The following ANK3 variants were observed in gnomAD, a reference collection of about 807,000 sequenced individuals.
The protein encoded by ANK3 is ankyrin-3.
Under a neutral mutation model 370.9 loss-of-function variants are expected in ANK3, and 57 were observed. The observed-to-expected ratio is 0.15, with a 90% CI of 0.12 to 0.19. ANK3 has a LOEUF of 0.19. ANK3 is among the 10% of genes least tolerant of loss of function. ANK3 has a pLI of 1.00. For missense variants in ANK3, 4,439 were observed against 5,302.1 expected (o/e 0.84, Z 5.06); for synonymous variants, 1,929 against 1,946.3 (o/e 0.99, Z 0.23).
intron 1 of ANK3, among the ~76,000 whole-genome samples, chr10:60,694,266 C>T (rs1326623448): frequency 6.6e-6 from 1 of 152,194 alleles, no homozygotes; most frequent in East Asian, 1.9e-4. Flanking sequence ...ACCAAATCTA[C>T]ATCTGATTGG....
In ANK3 at chr10:60,083,570, G is replaced by A. The variant is rs12249658; in HGVS notation, c.4122C>T (p.Ala1374=). 1.8e-3 allele frequency: 2,871 copies of A among 1,610,116 alleles called. 54 individuals are homozygous for A. In the African/African-American group the frequency reaches 0.034, roughly 19 times the overall value. Residue 1374 remains alanine (A), a synonymous_variant, in exon 33 of 44, where the codon GCC becomes GCT. Coordinates refer to ENST00000280772, the MANE Select transcript of ANK3 (RefSeq NM_020987.5). ...GTTGCTGTCCTCCTTTGGTAAGTGGGGCCAAATTTCCATAACAATCAACAT... is the reference window on the plus strand; with the variant it reads ...GTTGCTGTCCTCCTTTGGTAAGTGGAGCCAAATTTCCATAACAATCAACAT... The part of the protein sequence containing the change: ...PIYVDCYGNL[A]PLTKGGQQLV...
chr10:60,520,098 G>A (rs573042872), intron 2 of ANK3, among the ~76,000 whole-genome samples: 120 of 152,194 alleles, frequency 7.9e-4, no homozygotes, highest in African/African-American at 2.8e-3. Flanking sequence ...ATACTACATA[G>A]TCATCAAAAA....
Position 60,138,971 on chromosome 10 carries a change from A to G in ANK3, c.2731T>C (p.Ser911Pro). The G allele has an allele frequency of 6.2e-7, 1 of 1,613,896 alleles. No homozygotes were observed. The highest frequency in any genetic ancestry group is 8.5e-7 in the Non-Finnish European group (1 of 1,179,890). ...GYMGFSLGARSASLRSFSSDR... is the reference protein window; with the variant it reads ...GYMGFSLGARPASLRSFSSDR... ...ACAGCAACAACGAAGTACCTGGCAG[A>G]ACGCGCTCCGAGACTAAAGCCCATG... Residue 911 changes from serine to proline, a missense_variant, in exon 24 of 44, where the codon TCT becomes CCT. Physicochemically the swap from Ser to Pro is moderately conservative, Grantham distance 74. Coordinates refer to ENST00000280772, the MANE Select transcript of ANK3 (RefSeq NM_020987.5).
Position 60,395,624 on chromosome 10 carries a change from C to CTTTCTTTCTTTCTTTCTTTCTT in ANK3, c.97-115986_97-115985insAAGAAAGAAAGAAAGAAAGAAA, listed in dbSNP as rs60220666. Among the ~76,000 whole-genome samples the CTTTCTTTCTTTCTTTCTTTCTT allele has an allele frequency of 2.3e-4, 14 of 61,320 alleles. No homozygotes were observed. The Admixed American group carries it at 2.5e-3, about 11-fold the overall frequency. The allele number at this position is 61,320 out of a possible 152,430, so 40.2% of individuals were successfully genotyped here. On this transcript the variant is annotated intron_variant, in intron 2 of 43. Transcript: ENST00000373827. ...TCTTTCTTTCTCTCTTTCGTTCTCTCTCTCTCTCTCTCTCTCTCTCTCTCT... is the reference window on the plus strand; with the variant it reads ...TCTTTCTTTCTCTCTTTCGTTCTCTCTTTCTTTCTTTCTTTCTTTCTTTCTCTCTCTCTCTCTCTCTCTCTCT...
chr10:60,070,418 T>C lies in ANK3; in HGVS notation c.10463A>G (p.Glu3488Gly), dbSNP rs747894899. ...CTGATCAGTCTTATCAGGAGTCTTTTCAGATGAAGAACTTTTAGAAGGTGG... is the reference window on the plus strand; with the variant it reads ...CTGATCAGTCTTATCAGGAGTCTTTCCAGATGAAGAACTTTTAGAAGGTGG... ...DKPPSKSSSS[E>G]KTPDKTDQKS... is the part of the protein sequence containing the mutation. The change falls in exon 37 of 44, where the codon GAA becomes GGA. Residue 3488 changes from glutamate (E) to glycine (G), a missense_variant. Glu to Gly is a moderately conservative substitution (Grantham distance 98, BLOSUM62 -2). Coordinates refer to ENST00000280772, the MANE Select transcript of ANK3 (RefSeq NM_020987.5). The surrounding 1 kb of genome is among the most constrained non-coding windows in gnomAD (Gnocchi z 5.7). 14 of 1,614,000 alleles carry C rather than the reference T, an allele frequency of 8.7e-6. No individual in the cohort carries two copies. Among genetic ancestry groups the C allele is most frequent in the Admixed American group, 1.7e-5 (1 of 59,974 alleles).
intron 23 of ANK3, chr10:60,146,146 T>C: frequency 7.4e-7 from 1 of 1,347,718 alleles, no homozygotes; most frequent in Non-Finnish European, 9.8e-7. Flanking sequence ...AAGTCTGCCA[T>C]GTAGATACGA....
chr10:60,201,887 C>A (rs1029179313), intron 12 of ANK3, among the ~76,000 whole-genome samples: 1 of 151,372 alleles, frequency 6.6e-6, no homozygotes, highest in Non-Finnish European at 1.5e-5. Context: ...AATTCTTTTT[C>A]GTATTTTTAG....
intron 2 of ANK3, among the ~76,000 whole-genome samples, chr10:60,416,918 A>G (rs2063680933): frequency 6.6e-6 from 1 of 152,186 alleles, no homozygotes; most frequent in South Asian, 2.1e-4. Flanking sequence ...ATTACACCAT[A>G]ATAGAATTGA....
At chr10:60,261,378 C>T (rs192137587) in intron 7 of ANK3, among the ~76,000 whole-genome samples, 1 of 152,302 alleles carries the variant, frequency 6.6e-6, no homozygotes, top group East Asian at 1.9e-4. Flanking sequence ...CAACTTGTTA[C>T]TCATTATGAA....
At chr10:60,112,755 C>T (rs375677113) in intron 26 of ANK3, among the ~76,000 whole-genome samples, 5 of 152,056 alleles carry the variant, frequency 3.3e-5, no homozygotes, top group Non-Finnish European at 7.4e-5. Context: ...GCCAGGTACA[C>T]GACAAGAAGT....
intron 2 of ANK3, among the ~76,000 whole-genome samples, chr10:60,558,843 A>G (rs565442211): frequency 6.6e-5 from 10 of 152,302 alleles, no homozygotes; most frequent in Admixed American, 1.3e-4. Flanking sequence ...TACAGCTCAA[A>G]AGACAAATTT....
At chr10:60,631,069 C>A (rs905395370) in intron 1 of ANK3, among the ~76,000 whole-genome samples, 1 of 152,026 alleles carries the variant, frequency 6.6e-6, no homozygotes, top group Non-Finnish European at 1.5e-5. Flanking sequence ...TTGATAAGAA[C>A]AACTGGGTGG....
intron 1 of ANK3, among the ~76,000 whole-genome samples, chr10:60,694,597 A>G (rs540699714): frequency 1.3e-5 from 2 of 152,322 alleles, no homozygotes; most frequent in African/African-American, 4.8e-5. Context: ...AATATTCAAC[A>G]TTCTTAAAGA....
At chr10:60,379,031 C>T (rs536180482) in intron 1 of ANK3, among the ~76,000 whole-genome samples, 3 of 152,030 alleles carry the variant, frequency 2.0e-5, no homozygotes, top group Admixed American at 6.6e-5. Flanking sequence ...CCACACAATC[C>T]GATTTAAAAA....
At chr10:60,271,804 G>A (rs1050386329) in intron 4 of ANK3, among the ~76,000 whole-genome samples, 1 of 151,344 alleles carries the variant, frequency 6.6e-6, no homozygotes, top group Non-Finnish European at 1.5e-5. Context: ...AGATAAATGC[G>A]ATGCCACATA....
intron 21 of ANK3, among the ~76,000 whole-genome samples, chr10:60,171,965 C>T (rs566118275): frequency 1.9e-4 from 29 of 152,244 alleles, no homozygotes; most frequent in East Asian, 9.6e-4. Flanking sequence ...ATTTTCTTTA[C>T]GCTGCCAAGG....
rs192048560 is a variant in ANK3, at chr10:60,304,550, G to A, written c.115-24911C>T. ...CCCAGCTACTCAGGAGGCTGAGGCAGAAGCATCACTTGAACCCCAGAGGCG... is the reference window on the plus strand; with the variant it reads ...CCCAGCTACTCAGGAGGCTGAGGCAAAAGCATCACTTGAACCCCAGAGGCG... On this transcript the variant is annotated intron_variant, in intron 1 of 43. Transcript: ENST00000280772. 5.3e-3 allele frequency among the ~76,000 whole-genome samples: 807 copies of A among 152,200 alleles called. 4 individuals are homozygous for A. Among genetic ancestry groups the A allele is most frequent in the South Asian group, 0.01 (50 of 4,810 alleles).
At chr10:60,394,794 G>T (rs2063182512), upstream of ANK3, among the ~76,000 whole-genome samples, 3 of 152,186 alleles carry the variant, frequency 2.0e-5, no homozygotes, top group African/African-American at 7.2e-5. Context: ...TCCTCTCTGT[G>T]CTCTGGCTCT....
intron 12 of ANK3, among the ~76,000 whole-genome samples, chr10:60,202,069 C>T (rs1009058658): frequency 3.3e-5 from 5 of 151,488 alleles, no homozygotes; most frequent in East Asian, 3.9e-4. Flanking sequence ...CTCCAACATG[C>T]GGTACTTTTT....
Sources: allele counts gnomAD v4.1 joint callset (sites outside exome capture counted in the v4.1 genomes callset), GRCh38; gene constraint gnomAD v4.1.1; non-coding constraint Gnocchi (gnomAD v3.1); transcripts MANE v1.5; gene names NCBI Gene and HGNC (gene_info 2026-07-23, HGNC 2026-07-21).